ACSS3: variants seen among roughly 807,000 people sequenced by gnomAD.
ACSS3 encodes the protein acyl-CoA synthetase short chain family member 3.
In ACSS3, 64 loss-of-function variants were observed where a neutral mutation model predicts 84.2. That is an observed-to-expected ratio of 0.76 (90% confidence interval 0.62 to 0.94). The LOEUF (loss-of-function observed/expected upper bound fraction) is 0.94. ACSS3 is among the 40% of genes least tolerant of loss of function. ACSS3 has a pLI of 0.00. For synonymous variants in ACSS3, 317 were observed against 310.1 expected, an observed-to-expected ratio of 1.02 and a Z score of -0.23; for missense variants, 815 against 867.6, an observed-to-expected ratio of 0.94 and a Z score of 0.76.
chr12:81,241,629 G>A (rs1403698674), intron 13 of ACSS3, among the ~76,000 whole-genome samples: 5 of 152,150 alleles, frequency 3.3e-5, no homozygotes, highest in Non-Finnish European at 5.9e-5. Context: ...CTGCATAAAT[G>A]TCTTCTTTTG....
chr12:81,260,486 T>C lies in ACSS3; in HGVS notation c.*5564T>C, dbSNP rs1014235329. The C allele has an allele frequency of 4.6e-5, 7 of 152,294 alleles. No homozygotes were observed. Among genetic ancestry groups the C allele is most frequent in the African/African-American group, 1.7e-4 (7 of 41,574 alleles). 9.4% of individuals were successfully genotyped at this position (152,294 alleles called of 1,614,324 possible). A position where few individuals can be genotyped will look rare whatever the true frequency, so the allele number is the denominator to read the frequency against. ...ATAATGCTATGTGTAGAATCTAATA[T>C]AAACAGTATTTTGGGAGACCTCTTA... On this transcript the variant is annotated 3_prime_UTR_variant, in exon 16 of 16. Coordinates refer to ENST00000548058, the MANE Select transcript of ACSS3 (RefSeq NM_024560.4).
chr12:81,080,359 A>AT (rs1361805168), intron 1 of ACSS3, among the ~76,000 whole-genome samples: 1 of 151,502 alleles, frequency 6.6e-6, no homozygotes. Flanking sequence ...GCTTGTCTAC[A>AT]TTTTTTTAAA....
At chr12:81,169,682 T>TC (rs1887564898) in intron 7 of ACSS3, among the ~76,000 whole-genome samples, 1 of 152,184 alleles carries the variant, frequency 6.6e-6, no homozygotes, top group African/African-American at 2.4e-5. Flanking sequence ...AATTTTTTTT[T>TC]CACTAAATAG....
intron 8 of ACSS3, among the ~76,000 whole-genome samples, chr12:81,194,074 A>T (rs79696628): frequency 6.7e-6 from 1 of 149,072 alleles, no homozygotes; most frequent in East Asian, 2.0e-4. Flanking sequence ...AAAGGTTACT[A>T]TTTTTTTTTT....
At chr12:81,181,747 CAAAAAAAAA>C (rs59878486) in intron 8 of ACSS3, among the ~76,000 whole-genome samples, 3 of 47,918 alleles carry the variant, frequency 6.3e-5, no homozygotes, top group South Asian at 2.3e-3. Context: ...ATCAATTAAG[CAAAAAAAAA>C]AAAAAAAAAA....
rs1880735497 is a variant in ACSS3, at chr12:81,078,183, G to GC, written c.65dup (p.Gly23TrpfsTer89). ...GCGCCGGGGGGCTCGGAGGGCCCTT[G>GC]CCTGGGTCCTCTCCGGCCCGGGGAG... On this transcript the variant is annotated frameshift_variant, in exon 1 of 16. Coordinates refer to ENST00000548058, the MANE Select transcript of ACSS3 (RefSeq NM_024560.4). LOFTEE classifies it high-confidence loss of function. 1.9e-6 allele frequency: 3 copies of GC among 1,544,188 alleles called. No homozygotes were observed. Among genetic ancestry groups the GC allele is most frequent in the Non-Finnish European group, 2.6e-6 (3 of 1,149,512 alleles).
At chr12:81,151,771 G>T in intron 5 of ACSS3, 73 bp from the exon 6 acceptor site, 1 of 1,341,052 alleles carries the variant, frequency 7.5e-7, no homozygotes, top group South Asian at 1.3e-5. Context: ...AACTTTTAAA[G>T]TGGATGCTAT....
At position 81,217,981 on chromosome 12, in the gene ACSS3, C is replaced by T. The variant is rs1183641006; in HGVS notation, c.1450+985C>T. Among the ~76,000 whole-genome samples the T allele has an allele frequency of 2.6e-5, 4 of 152,056 alleles. No individual in the cohort carries two copies. In the East Asian group the frequency reaches 7.7e-4, roughly 29 times the overall value. ...TTGTTTTTAAATTTACAGTAGTAAC[C>T]ATTATTATTAAACAATTTATCTTGG... On this transcript the variant is annotated intron_variant, in intron 10 of 15. Transcript: ENST00000548058.
At chr12:81,126,994 C>A (rs76578813) in intron 2 of ACSS3, among the ~76,000 whole-genome samples, 1 of 151,586 alleles carries the variant, frequency 6.6e-6, no homozygotes, top group East Asian at 1.9e-4. Context: ...TAATACAATG[C>A]GATTCTTAAA....
intron 8 of ACSS3, among the ~76,000 whole-genome samples, chr12:81,197,144 A>G (rs1471359233): frequency 6.6e-6 from 1 of 152,106 alleles, no homozygotes; most frequent in East Asian, 1.9e-4. Context: ...TGACATCCTT[A>G]TAGATTTAAA....
chr12:81,233,367 G>C lies in ACSS3; in HGVS notation c.1615G>C (p.Asp539His). The C allele has an allele frequency of 1.2e-6, 2 of 1,610,384 alleles. No individual in the cohort carries two copies. Among genetic ancestry groups the C allele is most frequent in the Non-Finnish European group, 1.7e-6 (2 of 1,177,434 alleles). ...TTTTCAGGGATATTATGATACCATG[G>C]ATGCTGGTTACATGGATGAAGAAGG... ...EKFPGYYDTM[D>H]AGYMDEEGYL... Residue 539 changes from aspartate to histidine, a missense_variant, in exon 13 of 16, where the codon GAT (aspartate) becomes CAT (histidine). Transcript: ENST00000548058.
chr12:81,135,445 T>C (rs1885749955), intron 3 of ACSS3, among the ~76,000 whole-genome samples: 1 of 144,874 alleles, frequency 6.9e-6, no homozygotes, highest in East Asian at 1.9e-4. Context: ...TATAATATTA[T>C]AATAATATAT....
In ACSS3 at chr12:81,116,997, C is replaced by T. The variant is rs1761423055; in HGVS notation, c.456+7293C>T. Among the ~76,000 whole-genome samples the T allele has an allele frequency of 2.0e-5, 3 of 152,040 alleles. No individual in the cohort carries two copies. The South Asian group carries it at 6.2e-4, about 31-fold the overall frequency. On this transcript the variant is annotated intron_variant, in intron 2 of 15. Transcript: ENST00000548058. ...GATTAAAATATTTAACTTACTTTGCCATTTTAGAAATTGGAAATCTGGTCC... is the reference window on the plus strand; with the variant it reads ...GATTAAAATATTTAACTTACTTTGCTATTTTAGAAATTGGAAATCTGGTCC...
chr12:81,248,713 C>T (rs1921056), intron 13 of ACSS3, among the ~76,000 whole-genome samples: 65,077 of 151,524 alleles, frequency 0.43, 14,928 homozygotes, highest in Non-Finnish European at 0.52. Context: ...GGACTTGGAA[C>T]GTTTTCAACA....
At chr12:81,210,090 C>G (rs1371765639) in intron 9 of ACSS3, among the ~76,000 whole-genome samples, 2 of 152,158 alleles carry the variant, frequency 1.3e-5, no homozygotes, top group Non-Finnish European at 2.9e-5. Context: ...GAATGCCTAA[C>G]CACTTTGGAA....
rs2034435107 is a variant in ACSS3, at chr12:81,258,514, G to C, written c.*3592G>C. 1 of 151,958 alleles carries C rather than the reference G, an allele frequency of 6.6e-6. No individual in the cohort carries two copies. The highest frequency in any genetic ancestry group is 1.5e-5 in the Non-Finnish European group (1 of 67,966). 9.4% of individuals were successfully genotyped at this position (151,958 alleles called of 1,614,324 possible). Reference sequence around the variant, plus strand: ...ACTTTGAATCTCCCATATAAACAAAGAATAAACAACAGTAACACCACCAAA... The same window carrying C: ...ACTTTGAATCTCCCATATAAACAAACAATAAACAACAGTAACACCACCAAA... On this transcript the variant is annotated 3_prime_UTR_variant, in exon 16 of 16. Transcript: ENST00000548058.
At chr12:81,103,400 A>G (rs1017766088) in intron 1 of ACSS3, among the ~76,000 whole-genome samples, 1 of 152,220 alleles carries the variant, frequency 6.6e-6, no homozygotes, top group Non-Finnish European at 1.5e-5. Flanking sequence ...AGCACATAGA[A>G]GGCATTCAAT....
chr12:81,140,125 T>C (rs1448073788), intron 4 of ACSS3, among the ~76,000 whole-genome samples: 1 of 152,216 alleles, frequency 6.6e-6, no homozygotes, highest in Non-Finnish European at 1.5e-5. Flanking sequence ...TGGAGTGGTG[T>C]GATTAATTTG....
At chr12:81,233,556 G>T in intron 13 of ACSS3, 85 bp downstream of exon 13, 1 of 1,501,668 alleles carries the variant, frequency 6.7e-7, no homozygotes, top group Non-Finnish European at 9.0e-7. Flanking sequence ...ATTTCACTTG[G>T]AAAATTACCA....
Sources: gnomAD v4.1 joint callset for allele counts (sites outside exome capture counted in the v4.1 genomes callset) on GRCh38, gnomAD v4.1.1 for gene constraint, MANE v1.5 for transcripts, NCBI Gene and HGNC (gene_info 2026-07-23, HGNC 2026-07-21) for gene names.